The following VPS13A variants were observed in gnomAD, a reference collection of about 807,000 sequenced individuals.
The protein encoded by VPS13A is intermembrane lipid transfer protein VPS13A.
Under a neutral mutation model 390.9 loss-of-function variants are expected in VPS13A, and 264 were observed. The ratio of observed to expected loss-of-function variants is 0.68; its 90% confidence interval spans 0.61 to 0.75. VPS13A has a LOEUF of 0.75. Ranked by LOEUF, VPS13A falls within the 30% of genes least tolerant of loss-of-function variation. The probability of loss-of-function intolerance (pLI) is 0.00; values close to 1 mark genes in which losing one functional copy is unlikely to be tolerated. For missense variants in VPS13A, 3,409 were observed against 3,733.9 expected (o/e 0.91, Z 2.27); for synonymous variants, 1,231 against 1,227.1 (o/e 1.00, Z -0.07).
chr9:77,314,474 T>G (rs746613556), intron 36 of VPS13A, 21 bp from the exon 37 acceptor site: 1 of 1,607,488 alleles, frequency 6.2e-7, no homozygotes, highest in Non-Finnish European at 8.5e-7. Flanking sequence ...TGTAATTTTG[T>G]GTTGGTTTCT....
At position 77,233,330 on chromosome 9, in the gene VPS13A, T is replaced by C. The variant is rs574195753; in HGVS notation, c.1596-4672T>C. 2.0e-5 allele frequency among the ~76,000 whole-genome samples: 3 copies of C among 152,200 alleles called. No homozygotes were observed. In the East Asian group the frequency reaches 5.8e-4, roughly 29 times the overall value. On this transcript the variant is annotated intron_variant, in intron 17 of 71. Transcript: ENST00000360280. ...ATTTTAGGTAAAGGTTTGTTAAATATGTTAACCTTTTCAAAGTGGCAACTT... is the reference window on the plus strand; with the variant it reads ...ATTTTAGGTAAAGGTTTGTTAAATACGTTAACCTTTTCAAAGTGGCAACTT...
intron 17 of VPS13A, among the ~76,000 whole-genome samples, chr9:77,234,576 G>A (rs760160348): frequency 1.3e-5 from 2 of 152,128 alleles, no homozygotes; most frequent in Non-Finnish European, 2.9e-5. Flanking sequence ...AAGTTGAGGA[G>A]CATCTGTATT....
Position 77,370,884 on chromosome 9 carries a change from T to G in VPS13A, c.8908-6T>G. The G allele has an allele frequency of 6.2e-7, 1 of 1,612,866 alleles. No individual in the cohort carries two copies. On this transcript the variant is annotated splice_polypyrimidine_tract_variant and splice_region_variant and intron_variant, in intron 65 of 71. Coordinates refer to ENST00000360280, the MANE Select transcript of VPS13A (RefSeq NM_033305.3). ...TTGTAAATTTTCAGTTGTGTTTTCC[T>G]TCTAGGGATTTGTTAGTGGCATAAC...
At position 77,294,434 on chromosome 9, in the gene VPS13A, T is replaced by C. The variant is rs1282764727; in HGVS notation, c.3507+926T>C. On this transcript the variant is annotated intron_variant, in intron 32 of 71. Transcript: ENST00000360280. ...TCCATAACATCACTATTCATTCTTT[T>C]AAAATGCTGTCTCAGTGTTTTAGTG... 2.6e-5 allele frequency among the ~76,000 whole-genome samples: 4 copies of C among 152,308 alleles called. No homozygotes were observed. In the East Asian group the frequency reaches 7.7e-4, roughly 29 times the overall value.
At chr9:77,260,516 C>T (rs1192424737) in intron 23 of VPS13A, among the ~76,000 whole-genome samples, 12 of 151,326 alleles carry the variant, frequency 7.9e-5, no homozygotes, top group East Asian at 2.0e-4. Context: ...CCACCACGCC[C>T]GGCTAATTTT....
At chr9:77,226,067 T>C in intron 14 of VPS13A, 79 bp downstream of exon 14, 1 of 1,303,670 alleles carries the variant, frequency 7.7e-7, no homozygotes, top group Non-Finnish European at 1.1e-6. Flanking sequence ...ATTAATCTTA[T>C]ACTGTAACAT....
intron 6 of VPS13A, among the ~76,000 whole-genome samples, chr9:77,210,074 T>C (rs900903644): frequency 2.0e-5 from 3 of 152,190 alleles, no homozygotes; most frequent in African/African-American, 4.8e-5. Context: ...TGAAAGTTTT[T>C]CTGGAAAGTA....
intron 59 of VPS13A, among the ~76,000 whole-genome samples, chr9:77,363,400 T>A (rs540937387): frequency 2.4e-3 from 226 of 93,554 alleles, no homozygotes; most frequent in African/African-American, 0.01. Flanking sequence ...ATTTTTTTTT[T>A]TTTATTTTTT....
At chr9:77,237,839 T>G (rs1824243651) in intron 17 of VPS13A, among the ~76,000 whole-genome samples, 163 bp from the exon 18 acceptor site, 1 of 152,210 alleles carries the variant, frequency 6.6e-6, no homozygotes, top group Non-Finnish European at 1.5e-5. Context: ...AATTAATCTA[T>G]GTCAATTTAG....
chr9:77,215,404 ATTCTC>A (rs1312474478), intron 10 of VPS13A, among the ~76,000 whole-genome samples: 1 of 152,056 alleles, frequency 6.6e-6, no homozygotes, highest in Non-Finnish European at 1.5e-5. Context: ...CATTTTCTTG[ATTCTC>A]TTCTCATAGG....
Position 77,359,398 on chromosome 9 carries a change from AT to A in VPS13A, c.8103del (p.Lys2702SerfsTer6). Reference protein sequence around the residue: ...RSAGHSQISRIKYFKVLIQEM... With the variant: ...RSAGHSQISRXKYFKVLIQEM... The stretch of plus-strand genomic sequence containing the variant: ...TGCAGGACATTCCCAGATATCACGT[AT>A]TAAGTAAGTGTCTTAATACATTTCT... On this transcript the variant is annotated frameshift_variant, in exon 58 of 72. Transcript: ENST00000360280. LOFTEE classifies it high-confidence loss of function. 1 of 1,611,046 alleles carries A rather than the reference AT, an allele frequency of 6.2e-7. No homozygotes were observed. The highest frequency in any genetic ancestry group is 8.5e-7 in the Non-Finnish European group (1 of 1,177,458).
intron 35 of VPS13A, 43 bp from the exon 36 acceptor site, chr9:77,313,949 T>C: frequency 6.3e-7 from 1 of 1,579,256 alleles, no homozygotes; most frequent in Non-Finnish European, 8.6e-7. Flanking sequence ...TGAGCTACTT[T>C]TCATGATATT....
At chr9:77,226,192 A>G (rs1204022745) in intron 14 of VPS13A, among the ~76,000 whole-genome samples, 1 of 152,130 alleles carries the variant, frequency 6.6e-6, no homozygotes, top group Non-Finnish European at 1.5e-5. Context: ...ATCTTTCTAA[A>G]TATTTGGGCT....
intron 24 of VPS13A, among the ~76,000 whole-genome samples, chr9:77,275,036 T>C (rs1370810063): frequency 1.3e-5 from 2 of 152,156 alleles, no homozygotes; most frequent in Non-Finnish European, 2.9e-5. Context: ...AAAGTAGTGC[T>C]TGATCTCAGT....
At chr9:77,275,400 A>C in intron 24 of VPS13A, 98 bp from the exon 25 acceptor site, 2 of 1,134,022 alleles carry the variant, frequency 1.8e-6, no homozygotes, top group South Asian at 1.4e-5. Flanking sequence ...TATTTAAAAG[A>C]GAGCCTTAGT....
intron 23 of VPS13A, among the ~76,000 whole-genome samples, chr9:77,270,362 G>A (rs753162622): frequency 2.0e-5 from 3 of 152,202 alleles, no homozygotes; most frequent in Non-Finnish European, 4.4e-5. Flanking sequence ...AAGTGGCAAA[G>A]ATCTTGGTTA....
intron 45 of VPS13A, among the ~76,000 whole-genome samples, chr9:77,323,480 A>G (rs1829853379): frequency 6.6e-6 from 1 of 152,064 alleles, no homozygotes; most frequent in African/African-American, 2.4e-5. Flanking sequence ...TTTTTTATAA[A>G]TAGTCATCAG....
chr9:77,242,087 C>G (rs924565007), intron 19 of VPS13A, among the ~76,000 whole-genome samples: 10 of 152,128 alleles, frequency 6.6e-5, no homozygotes, highest in African/African-American at 2.4e-4. Flanking sequence ...TTTTAAAATT[C>G]TGGTTTTGTT....
intron 71 of VPS13A, among the ~76,000 whole-genome samples, chr9:77,410,762 C>T (rs1301757318): frequency 6.6e-6 from 1 of 152,116 alleles, no homozygotes; most frequent in Non-Finnish European, 1.5e-5. Flanking sequence ...AATATATATG[C>T]ACCCAATACA....
Sources: allele counts gnomAD v4.1 joint callset (sites outside exome capture counted in the v4.1 genomes callset), GRCh38; gene constraint gnomAD v4.1.1; transcripts MANE v1.5; gene names NCBI Gene and HGNC (gene_info 2026-07-23, HGNC 2026-07-21).